The following TRDN variants were observed in gnomAD, a reference collection of about 807,000 sequenced individuals.
TRDN encodes the protein triadin in skeletal muscle.
In TRDN, 161 loss-of-function variants were observed where a neutral mutation model predicts 149.7. The observed-to-expected ratio is 1.08, with a 90% CI of 0.95 to 1.23. The LOEUF (loss-of-function observed/expected upper bound fraction) is 1.23. TRDN is among the 50% of genes most tolerant of loss of function. The pLI is 0.00. For missense variants in TRDN, 896 were observed against 823.5 expected (o/e 1.09, Z -1.08); for synonymous variants, 294 against 250.5 (o/e 1.17, Z -1.64).
intron 33 of TRDN, among the ~76,000 whole-genome samples, chr6:123,262,295 A>C (rs1776798911): frequency 6.6e-6 from 1 of 152,018 alleles, no homozygotes; most frequent in South Asian, 2.1e-4. Context: ...AGATCTCCAT[A>C]CTGTGTTTAT....
intron 9 of TRDN, among the ~76,000 whole-genome samples, chr6:123,485,320 C>T (rs1264994184): frequency 1.3e-5 from 2 of 152,080 alleles, no homozygotes; most frequent in African/African-American, 4.8e-5. Context: ...GGTCTATTTG[C>T]AATGTTTAGA....
intron 8 of TRDN, chr6:123,503,040 C>G (rs1185717882): frequency 1.2e-5 from 12 of 985,144 alleles, no homozygotes; most frequent in Non-Finnish European, 1.3e-5. Context: ...TATATGCCAC[C>G]TCCATTGAAG....
chr6:123,569,920 C>G (rs139381149), intron 2 of TRDN, among the ~76,000 whole-genome samples: 44 of 152,312 alleles, frequency 2.9e-4, no homozygotes, highest in Admixed American at 1.4e-3. Flanking sequence ...CTATATCACA[C>G]CTTTATGCCA....
Position 123,370,866 on chromosome 6 carries a change from T to C in TRDN, c.1274-4684A>G, listed in dbSNP as rs74445267. 3.0e-3 allele frequency among the ~76,000 whole-genome samples: 457 copies of C among 151,988 alleles called. 12 individuals are homozygous for C. In the East Asian group the frequency reaches 0.075, roughly 25 times the overall value. ...TTTCTTTTTTTAATGCAGTCTTATA[T>C]CTAGTGCCCATTTTTTTTTCTGCCC... is the stretch of plus-strand genomic sequence containing the variant. On this transcript the variant is annotated intron_variant, in intron 19 of 40. Transcript: ENST00000334268.
chr6:123,627,288 CTG>C (rs1785727069), intron 1 of TRDN, among the ~76,000 whole-genome samples: 5 of 152,090 alleles, frequency 3.3e-5, no homozygotes, highest in Admixed American at 6.6e-5. Flanking sequence ...GAGCCATGAG[CTG>C]CAAAAATGAT....
At chr6:123,630,188 A>G (rs1239486369) in intron 1 of TRDN, among the ~76,000 whole-genome samples, 2 of 152,066 alleles carry the variant, frequency 1.3e-5, no homozygotes, top group Non-Finnish European at 2.9e-5. Context: ...ATGTTACATT[A>G]GATAATATGT....
At chr6:123,399,147 AAAAG>A (rs1772856962) in intron 12 of TRDN, among the ~76,000 whole-genome samples, 1 of 152,224 alleles carries the variant, frequency 6.6e-6, no homozygotes, top group Non-Finnish European at 1.5e-5. Flanking sequence ...TTAATTTGAA[AAAAG>A]AAAGAATTTG....
At chr6:123,230,859 A>G (rs1236161120) in intron 38 of TRDN, among the ~76,000 whole-genome samples, 2 of 152,086 alleles carry the variant, frequency 1.3e-5, no homozygotes, top group East Asian at 3.9e-4. Flanking sequence ...TTTAAGATAA[A>G]GTTACTTTTC....
At chr6:123,362,683 G>A (rs1381787759) in intron 20 of TRDN, among the ~76,000 whole-genome samples, 1 of 152,066 alleles carries the variant, frequency 6.6e-6, no homozygotes, top group Non-Finnish European at 1.5e-5. Flanking sequence ...AACTTTACCT[G>A]TATTTATATC....
chr6:123,398,138 G>A (rs988873564), intron 12 of TRDN, among the ~76,000 whole-genome samples: 7 of 152,318 alleles, frequency 4.6e-5, no homozygotes, highest in East Asian at 1.9e-4. Flanking sequence ...CTGAGTAGCC[G>A]GGATTACAGG....
chr6:123,559,285 C>A (rs1249892872), intron 2 of TRDN, among the ~76,000 whole-genome samples: 1 of 152,170 alleles, frequency 6.6e-6, no homozygotes, highest in East Asian at 1.9e-4. Flanking sequence ...TATTGATGGC[C>A]AGGCTTCTAA....
intron 1 of TRDN, among the ~76,000 whole-genome samples, chr6:123,574,612 T>C (rs990312847): frequency 2.0e-5 from 3 of 151,814 alleles, no homozygotes; most frequent in Non-Finnish European, 4.4e-5. Context: ...TAATCTGCAG[T>C]TTTTTAACCA....
intron 5 of TRDN, among the ~76,000 whole-genome samples, chr6:123,519,567 C>T (rs1317240780): frequency 2.1e-5 from 3 of 145,440 alleles, no homozygotes; most frequent in Non-Finnish European, 3.0e-5. Context: ...TCGTCCTGTT[C>T]TTAGGTTGAA....
intron 10 of TRDN, among the ~76,000 whole-genome samples, chr6:123,447,462 G>T (rs1308834391): frequency 6.6e-6 from 1 of 152,166 alleles, no homozygotes; most frequent in African/African-American, 2.4e-5. Flanking sequence ...GCTGAGTGGA[G>T]TGGAAAGCTA....
intron 5 of TRDN, chr6:123,528,798 C>T: frequency 1.0e-5 from 10 of 995,176 alleles, no homozygotes; most frequent in Non-Finnish European, 7.2e-6. Context: ...TTCATATTCA[C>T]ACAGAAAAAC....
chr6:123,615,539 C>T (rs536143738), intron 1 of TRDN, among the ~76,000 whole-genome samples: 7 of 111,518 alleles, frequency 6.3e-5, no homozygotes, highest in South Asian at 4.9e-4. Flanking sequence ...CATGTATATA[C>T]ACACACACAC....
intron 9 of TRDN, among the ~76,000 whole-genome samples, chr6:123,467,799 T>C (rs1222616055): frequency 6.6e-6 from 1 of 152,052 alleles, no homozygotes; most frequent in Non-Finnish European, 1.5e-5. Flanking sequence ...TAATACATAA[T>C]GAATTATATT....
chr6:123,365,914 G>A (rs1781082546), intron 20 of TRDN, among the ~76,000 whole-genome samples: 1 of 152,104 alleles, frequency 6.6e-6, no homozygotes, highest in Admixed American at 6.5e-5. Context: ...CTTGCAATTT[G>A]ACTAGCATAA....
At chr6:123,304,378 A>G (rs978071197) in intron 24 of TRDN, among the ~76,000 whole-genome samples, 11 of 149,814 alleles carry the variant, frequency 7.3e-5, no homozygotes, top group Non-Finnish European at 1.5e-4. Context: ...TCAGCCTCCC[A>G]AGTAGCTGGG....
Sources: gnomAD v4.1 joint callset for allele counts (sites outside exome capture counted in the v4.1 genomes callset) on GRCh38, gnomAD v4.1.1 for gene constraint, MANE v1.5 for transcripts, NCBI Gene and HGNC (gene_info 2026-07-23, HGNC 2026-07-21) for gene names.